FXR1: variants seen among roughly 807,000 people sequenced by gnomAD.
The protein encoded by FXR1 is RNA-binding protein FXR1.
A neutral mutation model predicts 84.0 loss-of-function variants in FXR1; 15 were observed. The observed-to-expected ratio is 0.18, with a 90% CI of 0.12 to 0.27. The LOEUF is 0.27. FXR1 is among the 10% of genes least tolerant of loss of function. The pLI is 1.00. For synonymous variants in FXR1, 245 were observed against 250.7 expected (o/e 0.98, Z 0.21); for missense variants, 480 against 774.4 (o/e 0.62, Z 4.51).
chr3:180,927,690 T>C (rs1719391757), intron 1 of FXR1: 3 of 517,708 alleles, frequency 5.8e-6, no homozygotes, highest in African/African-American at 2.0e-5. Flanking sequence ...TAGATCTTCA[T>C]AGTAAGGTAG....
At chr3:180,971,125 T>C (rs1174059577) in intron 15 of FXR1, 7 of 1,277,942 alleles carry the variant, frequency 5.5e-6, no homozygotes, top group South Asian at 1.3e-5. Context: ...CAGGCGTCGC[T>C]TCAGGGGTCA....
Position 180,978,917 on chromosome 3 carries a change from C to G in FXR1, c.*2625C>G, listed in dbSNP as rs987217671. ...TGTTAAGCCTTAAAGGGGGCTACAACTTGTGCAAAATGGTGTCTCTGGTAA... is the reference window on the plus strand; with the variant it reads ...TGTTAAGCCTTAAAGGGGGCTACAAGTTGTGCAAAATGGTGTCTCTGGTAA... On this transcript the variant is annotated 3_prime_UTR_variant, in exon 17 of 17. Transcript: ENST00000357559. The G allele has an allele frequency of 6.6e-6, 1 of 152,068 alleles. No homozygotes were observed. The highest frequency in any genetic ancestry group is 1.5e-5 in the Non-Finnish European group (1 of 67,978). The allele number at this position is 152,068 out of a possible 1,614,324, so 9.4% of individuals were successfully genotyped here.
chr3:180,948,522 TG>T, intron 5 of FXR1, 27 bp downstream of exon 5: 1 of 1,501,240 alleles, frequency 6.7e-7, no homozygotes, highest in Non-Finnish European at 9.2e-7. Context: ...ACTATTGAAT[TG>T]TTCTGTGAAT....
At chr3:180,926,866 T>C (rs572741922) in intron 1 of FXR1, among the ~76,000 whole-genome samples, 56 of 152,232 alleles carry the variant, frequency 3.7e-4, no homozygotes, top group African/African-American at 1.3e-3. Context: ...TAATCATGGT[T>C]ACTTTCCAGT....
intron 1 of FXR1, among the ~76,000 whole-genome samples, chr3:180,925,276 G>T (rs570123): frequency 6.6e-6 from 1 of 151,404 alleles, no homozygotes; most frequent in Admixed American, 6.6e-5. Context: ...CAGAAGAATC[G>T]CTTGAACTGG....
At chr3:180,961,750 GTCA>G (rs1342074618) in intron 11 of FXR1, among the ~76,000 whole-genome samples, 196 bp downstream of exon 11, 1 of 152,116 alleles carries the variant, frequency 6.6e-6, no homozygotes, top group Non-Finnish European at 1.5e-5. Flanking sequence ...AAAGTCCTTT[GTCA>G]TCATAAAATG....
At chr3:180,922,130 G>GT (rs1361455494) in intron 1 of FXR1, among the ~76,000 whole-genome samples, 83 of 152,096 alleles carry the variant, frequency 5.5e-4, no homozygotes, top group African/African-American at 1.8e-3. Flanking sequence ...TTTGTTTTCA[G>GT]TTTTTTGTCG....
chr3:180,946,220 CTG>C (rs1452983331), intron 3 of FXR1, among the ~76,000 whole-genome samples: 7 of 152,196 alleles, frequency 4.6e-5, no homozygotes, highest in Non-Finnish European at 1.0e-4. Flanking sequence ...AGTAAGGAAA[CTG>C]TATGAACATT....
At position 180,945,908 on chromosome 3, in the gene FXR1, AATACATC is replaced by A. The variant is rs1433355131; in HGVS notation, c.199-1956_199-1950del. ...TGTTTGAGAAATACATCGTTTGAGA[AATACATC>A]GTTTGAGAAATACATTGAGAACATT... is the stretch of plus-strand genomic sequence containing the variant. On this transcript the variant is annotated intron_variant, in intron 3 of 16. Transcript: ENST00000357559. 1.4e-3 allele frequency among the ~76,000 whole-genome samples: 209 copies of A among 152,046 alleles called. 1 individual carries two copies. The Middle Eastern group carries it at 0.037, about 27-fold the overall frequency.
intron 7 of FXR1, among the ~76,000 whole-genome samples, chr3:180,949,912 G>A (rs1399477012): frequency 6.6e-6 from 1 of 152,180 alleles, no homozygotes; most frequent in East Asian, 1.9e-4. Flanking sequence ...TGTATTGCTA[G>A]TTCTTTACTT....
chr3:180,930,167 G>C (rs1719716611), intron 1 of FXR1, among the ~76,000 whole-genome samples: 1 of 152,148 alleles, frequency 6.6e-6, no homozygotes. Context: ...GGAGGCTGAG[G>C]CAGGAGAAGT....
chr3:180,944,333 T>C (rs1177124850), intron 3 of FXR1, among the ~76,000 whole-genome samples: 1 of 152,046 alleles, frequency 6.6e-6, no homozygotes, highest in Non-Finnish European at 1.5e-5. Flanking sequence ...GACCTTTTTT[T>C]TTTTTGAGAC....
intron 8 of FXR1, among the ~76,000 whole-genome samples, chr3:180,951,940 A>C (rs1722267857): frequency 6.6e-6 from 1 of 152,158 alleles, no homozygotes; most frequent in Non-Finnish European, 1.5e-5. Flanking sequence ...AGTGGCACAC[A>C]CCTGCAGTCC....
rs566933708 is a variant in FXR1 at position 180,915,768 on chromosome 3, G to T, written c.51+3032G>T. The T allele has an allele frequency of 2.0e-4, 123 of 601,746 alleles. No homozygotes were observed. In the African/African-American group the frequency reaches 2.1e-3, roughly 10 times the overall value. 37.3% of individuals were successfully genotyped at this position (601,746 alleles called of 1,614,324 possible). A position where few individuals can be genotyped will look rare whatever the true frequency, so the allele number is the denominator to read the frequency against. On this transcript the variant is annotated intron_variant, in intron 1 of 16. Transcript: ENST00000357559. ...CTTGAGGCAGTACTCTGTAGACTTT[G>T]ATTAAAGTTTTTGTAGTAGAACTGA... is the stretch of plus-strand genomic sequence containing the variant.
In FXR1 at chr3:180,977,130, T is replaced by A. The variant is rs1714319702; in HGVS notation, c.*838T>A. 1 of 151,956 alleles carries A rather than the reference T, an allele frequency of 6.6e-6. No homozygotes were observed. Among genetic ancestry groups the A allele is most frequent in the African/African-American group, 2.4e-5 (1 of 41,242 alleles). 9.4% of individuals were successfully genotyped at this position (151,956 alleles called of 1,614,324 possible). On this transcript the variant is annotated 3_prime_UTR_variant, in exon 17 of 17. Transcript: ENST00000357559. ...TGTGCAATATGTTTTTGTATGCAGG[T>A]AGTAAATAAACTTTGATCTTCCATT... is the stretch of plus-strand genomic sequence containing the variant.
chr3:180,948,931 A>G, intron 6 of FXR1, 117 bp downstream of exon 6: 1 of 655,878 alleles, frequency 1.5e-6, no homozygotes, highest in East Asian at 2.6e-5. Context: ...ATTTATTAAT[A>G]TAGTGTGGGA....
chr3:180,934,329 A>G (rs977109267), intron 2 of FXR1, among the ~76,000 whole-genome samples: 1 of 152,216 alleles, frequency 6.6e-6, no homozygotes, highest in African/African-American at 2.4e-5. Flanking sequence ...TACTTTGCCC[A>G]GCCTTGGCAG....
In FXR1 at chr3:180,947,847, A is replaced by ATT; in HGVS notation, c.199-10_199-9dup. 4.0e-6 allele frequency: 6 copies of ATT among 1,493,898 alleles called. No homozygotes were observed. The highest frequency in any genetic ancestry group is 1.8e-5 in the Admixed American group (1 of 55,000). The allele number at this position is 1,493,898 out of a possible 1,614,324, so 92.5% of individuals were successfully genotyped here. A position where few individuals can be genotyped will look rare whatever the true frequency, so the allele number is the denominator to read the frequency against. On this transcript the variant is annotated splice_polypyrimidine_tract_variant and intron_variant, in intron 3 of 16. Transcript: ENST00000357559. ...TCTTTTGGGATGAATGGATATAGGC[A>ATT]TTTTTTTTTCTTCTCAGGTATATTC...
chr3:180,939,428 C>T (rs931642674), intron 3 of FXR1, among the ~76,000 whole-genome samples: 7 of 152,094 alleles, frequency 4.6e-5, no homozygotes, highest in African/African-American at 1.4e-4. Context: ...TGGTCAGGCT[C>T]GATTGTTTAC....
Sources: gnomAD v4.1 joint callset for allele counts (sites outside exome capture counted in the v4.1 genomes callset) on GRCh38, gnomAD v4.1.1 for gene constraint, MANE v1.5 for transcripts, NCBI Gene and HGNC (gene_info 2026-07-23, HGNC 2026-07-21) for gene names.